The following ITPR2 variants were observed in gnomAD, a reference collection of about 807,000 sequenced individuals.
ITPR2 encodes inositol 1,4,5-trisphosphate-gated calcium channel ITPR2.
Under a neutral mutation model 317.1 loss-of-function variants are expected in ITPR2, and 207 were observed. That is an observed-to-expected ratio of 0.65 (90% CI 0.58 to 0.73). The LOEUF is 0.73. Ranked by LOEUF, ITPR2 falls within the 30% of genes least tolerant of loss-of-function variation. ITPR2 has a pLI of 0.00. For missense variants in ITPR2, 2,613 were observed against 3,284.0 expected (o/e 0.80, Z 4.99); for synonymous variants, 1,156 against 1,149.1 (o/e 1.01, Z -0.12).
At chr12:26,515,492 T>C (rs1943462036) in intron 37 of ITPR2, among the ~76,000 whole-genome samples, 2 of 152,072 alleles carry the variant, frequency 1.3e-5, no homozygotes, top group African/African-American at 4.8e-5. Context: ...TTAGTATCAT[T>C]ATACTGCTGT....
At chr12:26,488,840 T>C (rs1382565771) in intron 39 of ITPR2, among the ~76,000 whole-genome samples, 1 of 152,222 alleles carries the variant, frequency 6.6e-6, no homozygotes, top group Non-Finnish European at 1.5e-5. Flanking sequence ...TTCTTCTATA[T>C]ATATTACTTC....
At chr12:26,647,690 T>A (rs1001329534) in intron 21 of ITPR2, among the ~76,000 whole-genome samples, 1 of 152,204 alleles carries the variant, frequency 6.6e-6, no homozygotes, top group African/African-American at 2.4e-5. Flanking sequence ...TCGTAAGTAT[T>A]AGGCAAAGCA....
At position 26,481,000 on chromosome 12, in the gene ITPR2, T is replaced by C. The variant is rs564926360; in HGVS notation, c.6123+131A>G. 18 of 509,702 alleles carry C rather than the reference T, an allele frequency of 3.5e-5. No homozygotes were observed. In the South Asian group the frequency reaches 6.0e-4, roughly 17 times the overall value. The allele number at this position is 509,702 out of a possible 1,614,324, so 31.6% of individuals were successfully genotyped here. On this transcript the variant is annotated intron_variant, in intron 43 of 56. Transcript: ENST00000381340. The stretch of plus-strand genomic sequence containing the variant: ...CATTGCATCTGGAGTTTAGTAAGCA[T>C]TGTACTTTCACTATCCCTTTCTGTC...
chr12:26,670,720 GAGA>G, intron 13 of ITPR2, among the ~76,000 whole-genome samples: 1 of 152,210 alleles, frequency 6.6e-6, no homozygotes, highest in Non-Finnish European at 1.5e-5. Flanking sequence ...TACGAGTTGA[GAGA>G]AGAAGGCTTC....
intron 21 of ITPR2, among the ~76,000 whole-genome samples, chr12:26,639,627 C>T (rs1176650312): frequency 8.1e-5 from 10 of 123,888 alleles, no homozygotes; most frequent in South Asian, 3.2e-4. Context: ...CCGCTCCCCC[C>T]ACCCCACGAC....
chr12:26,790,574 T>A (rs1290887632), intron 1 of ITPR2, among the ~76,000 whole-genome samples: 8 of 113,546 alleles, frequency 7.0e-5, no homozygotes, highest in African/African-American at 2.5e-4. Flanking sequence ...ATCAATAAGA[T>A]ACATATATGC....
intron 9 of ITPR2, among the ~76,000 whole-genome samples, chr12:26,709,317 T>G (rs567913903): frequency 6.6e-6 from 1 of 152,318 alleles, no homozygotes; most frequent in South Asian, 2.1e-4. Context: ...AAAAAAGATG[T>G]TATCTAAAGT....
At chr12:26,616,877 A>G (rs1341688711) in intron 26 of ITPR2, among the ~76,000 whole-genome samples, 4 of 152,198 alleles carry the variant, frequency 2.6e-5, no homozygotes, top group Non-Finnish European at 5.9e-5. Flanking sequence ...GAAGACCTTT[A>G]TGATGATCCA....
chr12:26,355,209 GA>G (rs1473895241), intron 55 of ITPR2, among the ~76,000 whole-genome samples: 1 of 152,144 alleles, frequency 6.6e-6, no homozygotes, highest in Non-Finnish European at 1.5e-5. Flanking sequence ...GAACTATAAA[GA>G]AAATTCTTAA....
intron 52 of ITPR2, among the ~76,000 whole-genome samples, chr12:26,410,918 C>G (rs975080308): frequency 7.2e-5 from 11 of 152,096 alleles, no homozygotes; most frequent in Non-Finnish European, 1.3e-4. Context: ...ATAACTTGTC[C>G]AAGACATAGA....
chr12:26,804,366 G>A (rs1950607080), intron 1 of ITPR2, among the ~76,000 whole-genome samples: 2 of 152,182 alleles, frequency 1.3e-5, no homozygotes, highest in South Asian at 4.2e-4. Flanking sequence ...TACTGGCAAG[G>A]GACTAATTGT....
intron 1 of ITPR2, among the ~76,000 whole-genome samples, chr12:26,811,749 G>A (rs1950753552): frequency 1.3e-5 from 2 of 150,930 alleles, no homozygotes; most frequent in African/African-American, 4.9e-5. Context: ...AGCTGCTCAG[G>A]AGGCTGAGGC....
chr12:26,785,367 C>T lies in ITPR2; in HGVS notation c.163+4790G>A, dbSNP rs1261559031. Among the ~76,000 whole-genome samples, 3 of 53,898 alleles carry T rather than the reference C, an allele frequency of 5.6e-5. 1 individual carries two copies. Among genetic ancestry groups the T allele is most frequent in the South Asian group, 1.7e-3 (2 of 1,208 alleles). The allele number at this position is 53,898 out of a possible 152,430, so 35.4% of individuals were successfully genotyped here. A position where few individuals can be genotyped will look rare whatever the true frequency, so the allele number is the denominator to read the frequency against. On this transcript the variant is annotated intron_variant, in intron 2 of 56. Coordinates refer to ENST00000381340, the MANE Select transcript of ITPR2 (RefSeq NM_002223.4). ...GAGGTGAGGGGCGCCTCTGCCCGGC[C>T]GCCCCTACTGGGAAGTGAGGAGCCC...
chr12:26,612,868 C>G (rs1040320277), intron 26 of ITPR2, among the ~76,000 whole-genome samples: 1 of 152,240 alleles, frequency 6.6e-6, no homozygotes, highest in African/African-American at 2.4e-5. Flanking sequence ...TTGAACTTTA[C>G]TTCTCTTATT....
Position 26,657,864 on chromosome 12 carries a change from T to C in ITPR2, c.2035A>G (p.Met679Val), listed in dbSNP as rs746664465. The C allele has an allele frequency of 5.0e-6, 8 of 1,613,982 alleles. No individual in the cohort carries two copies. Among genetic ancestry groups the C allele is most frequent in the East Asian group, 2.2e-5 (1 of 44,888 alleles). The change falls in exon 18 of 57, where the codon ATG (methionine) becomes GTG (valine). Residue 679 changes from methionine (M) to valine (V), a missense_variant. By Grantham distance (21) the Met-to-Val change is conservative (BLOSUM62 1). This residue lies in a region of ITPR2 where 817 missense variants were observed against 897.6 expected (regional missense o/e 0.91). Coordinates refer to ENST00000381340, the MANE Select transcript of ITPR2 (RefSeq NM_002223.4). ...TCATCTGAAAGGATGGAGCTCTCCA[T>C]GGGGTTGTCTGCTTGCATTGAGACC... ...KVVSMQADNP[M>V]ESSILSDDID...
chr12:26,621,345 T>G (rs766576852), intron 25 of ITPR2, 49 bp from the exon 26 acceptor site: 1 of 1,395,248 alleles, frequency 7.2e-7, no homozygotes, highest in Admixed American at 1.9e-5. Context: ...ATTTCTAGAA[T>G]ATTTATGAAT....
At chr12:26,493,573 C>T in intron 39 of ITPR2, among the ~76,000 whole-genome samples, 1 of 151,986 alleles carries the variant, frequency 6.6e-6, no homozygotes, top group East Asian at 1.9e-4. Flanking sequence ...TTGAGTGTTC[C>T]CAACACAAAG....
At chr12:26,352,618 T>C (rs193179597) in intron 55 of ITPR2, among the ~76,000 whole-genome samples, 14 of 152,326 alleles carry the variant, frequency 9.2e-5, no homozygotes, top group Admixed American at 3.9e-4. Flanking sequence ...ACCACAGTAA[T>C]GTCTGCCAAG....
chr12:26,763,164 T>C (rs1949665441), intron 2 of ITPR2, among the ~76,000 whole-genome samples: 1 of 152,154 alleles, frequency 6.6e-6, no homozygotes, highest in Admixed American at 6.5e-5. Context: ...ATGCGTGTTC[T>C]GGGGCATATA....
Sources: gnomAD v4.1 joint callset for allele counts (sites outside exome capture counted in the v4.1 genomes callset) on GRCh38, gnomAD v4.1.1 for gene constraint, gnomAD v4.1.1 regional missense constraint, MANE v1.5 for transcripts, NCBI Gene and HGNC (gene_info 2026-07-23, HGNC 2026-07-21) for gene names.